Variants in DNHD1 observed in about 807,000 individuals in gnomAD.
DNHD1 encodes the protein dynein heavy chain domain-containing protein 1.
Under a neutral mutation model 458.1 loss-of-function variants are expected in DNHD1, and 383 were observed. That is an observed-to-expected ratio of 0.84 (90% CI 0.77 to 0.91). The LOEUF is 0.91. DNHD1 is among the 40% of genes least tolerant of loss of function. The pLI is 0.00. For synonymous variants in DNHD1, 2,203 were observed against 2,376.9 expected (o/e 0.93, Z 2.13); for missense variants, 5,336 against 5,866.1 (o/e 0.91, Z 2.95).
rs114595061 is a variant in DNHD1 at position 6,524,539 on chromosome 11, C to G, written c.1838-3983C>G. On this transcript the variant is annotated intron_variant, in intron 10 of 42. Coordinates refer to ENST00000254579, the MANE Select transcript of DNHD1 (RefSeq NM_144666.3). The stretch of plus-strand genomic sequence containing the variant: ...TATTTGAGTTTTCCTGTCCGTGAGA[C>G]TGATTTAGTTCAAACTTCAAGACAA... 6.4e-3 allele frequency among the ~76,000 whole-genome samples: 977 copies of G among 152,278 alleles called. 13 individuals are homozygous for G. Among genetic ancestry groups the G allele is most frequent in the African/African-American group, 0.022 (920 of 41,544 alleles).
At chr11:6,561,218 T>C (rs1192926550) in intron 28 of DNHD1, among the ~76,000 whole-genome samples, 3 of 152,172 alleles carry the variant, frequency 2.0e-5, no homozygotes, top group Non-Finnish European at 4.4e-5. Context: ...AATGGATCAC[T>C]TGAGCCCAGG....
chr11:6,557,694 T>A lies in DNHD1; in HGVS notation c.8399T>A (p.Ile2800Asn). 6.4e-7 allele frequency: 1 copy of A among 1,551,720 alleles called. No homozygotes were observed. Among genetic ancestry groups the A allele is most frequent in the Non-Finnish European group, 8.7e-7 (1 of 1,146,988 alleles). ...WWQKKPQMDL[I>N]SPLLLPVLLL... ...CAGAAGAAACCCCAGATGGACCTGATCTCACCCTTGTTGTTACCAGTGTTA... is the reference window on the plus strand; with the variant it reads ...CAGAAGAAACCCCAGATGGACCTGAACTCACCCTTGTTGTTACCAGTGTTA... The change falls in exon 25 of 43, where the codon ATC becomes AAC. Residue 2800 changes from isoleucine (I) to asparagine (N), a missense_variant. Ile to Asn is a moderately radical substitution (Grantham distance 149). Coordinates refer to ENST00000254579, the MANE Select transcript of DNHD1 (RefSeq NM_144666.3).
rs529086896 is a variant in DNHD1, at chr11:6,547,780, T to C, written c.6728-83T>C. ...GTGGATCTGGGCCAGGAGTGAAAAG[T>C]AATACTGTCAACCTTTTTTCTTTCT... On this transcript the variant is annotated intron_variant, in intron 21 of 42. Coordinates refer to ENST00000254579, the MANE Select transcript of DNHD1 (RefSeq NM_144666.3). 144 of 1,522,824 alleles carry C rather than the reference T, an allele frequency of 9.5e-5. No homozygotes were observed. In the African/African-American group the frequency reaches 1.4e-3, roughly 15 times the overall value. The allele number at this position is 1,522,824 out of a possible 1,614,324, so 94.3% of individuals were successfully genotyped here.
At chr11:6,504,469 G>C (rs896036822) in intron 4 of DNHD1, among the ~76,000 whole-genome samples, 2 of 152,164 alleles carry the variant, frequency 1.3e-5, no homozygotes, top group African/African-American at 4.8e-5. Context: ...TCTTTTTTGA[G>C]ACAGAGTTTC....
At chr11:6,544,298 C>T (rs1853160659) in intron 19 of DNHD1, 52 bp downstream of exon 19, 2 of 1,547,508 alleles carry the variant, frequency 1.3e-6, no homozygotes, top group African/African-American at 1.4e-5. Flanking sequence ...GGCAGGATGT[C>T]CCAGAGGGAT....
intron 16 of DNHD1, 26 bp from the exon 17 acceptor site, chr11:6,539,193 C>T (rs1476758241): frequency 4.0e-6 from 6 of 1,488,702 alleles, no homozygotes; most frequent in Non-Finnish European, 5.5e-6. Flanking sequence ...CTGGGTGTTG[C>T]TCTGACTTGT....
chr11:6,570,749 C>T lies in DNHD1; in HGVS notation c.13237C>T (p.Leu4413Phe), dbSNP rs750242852. The change falls in exon 42 of 43, where the codon CTC becomes TTC. Residue 4413 changes from leucine to phenylalanine, a missense_variant. This residue lies in a region of DNHD1 where 698 missense variants were observed against 664.9 expected (regional missense o/e 1.05). Transcript: ENST00000254579. ...AWLLRRQSRA[L>F]LSALQRSSPV... ...GCTGTTGCGACGCCAGAGTCGCGCT[C>T]TCTTGAGTGCGCTGCAGCGGAGTTC... is the stretch of plus-strand genomic sequence containing the variant. The T allele has an allele frequency of 1.2e-6, 2 of 1,611,972 alleles. No individual in the cohort carries two copies. Among genetic ancestry groups the T allele is most frequent in the Non-Finnish European group, 1.7e-6 (2 of 1,179,148 alleles).
At chr11:6,565,641 T>G in intron 32 of DNHD1, 54 bp from the exon 33 acceptor site, 1 of 1,473,550 alleles carries the variant, frequency 6.8e-7, no homozygotes, top group African/African-American at 1.4e-5. Context: ...ATTCCTCCCC[T>G]AAGGAGTCTG....
Position 6,511,446 on chromosome 11 carries a change from T to A in DNHD1, c.1392+17T>A. 6.2e-7 allele frequency: 1 copy of A among 1,612,532 alleles called. No individual in the cohort carries two copies. Among genetic ancestry groups the A allele is most frequent in the South Asian group, 1.1e-5 (1 of 91,030 alleles). On this transcript the variant is annotated intron_variant, in intron 7 of 42. Coordinates refer to ENST00000254579, the MANE Select transcript of DNHD1 (RefSeq NM_144666.3). ...CTTCGACTGGTAAGAGGCTCTTAGT[T>A]TATTGTGGACCTCTTCCCCAAGTTG...
chr11:6,552,614 C>G (rs549366715), intron 24 of DNHD1, among the ~76,000 whole-genome samples: 3 of 148,606 alleles, frequency 2.0e-5, no homozygotes, highest in African/African-American at 7.5e-5. Context: ...TGGCAAAAGG[C>G]GAAGGGGAGG....
chr11:6,509,058 TG>T lies in DNHD1; in HGVS notation c.1100del (p.Cys367SerfsTer14). On this transcript the variant is annotated frameshift_variant, in exon 5 of 43. Coordinates refer to ENST00000254579, the MANE Select transcript of DNHD1 (RefSeq NM_144666.3). LOFTEE classifies it high-confidence loss of function. The stretch of plus-strand genomic sequence containing the variant: ...CCAGTTCATTCCATTCTTTAAGTAT[TG>T]CCTCTTACGCAAGTCCTTTACCTGG... ...QLQFIPFFKY[C>X]LLRKSFTCWK... is the part of the protein sequence containing the mutation. 6.2e-7 allele frequency: 1 copy of T among 1,614,230 alleles called. No individual in the cohort carries two copies. Among genetic ancestry groups the T allele is most frequent in the Non-Finnish European group, 8.5e-7 (1 of 1,180,046 alleles).
intron 25 of DNHD1, 36 bp downstream of exon 25, chr11:6,558,333 C>T (rs1173288058): frequency 6.5e-7 from 1 of 1,540,910 alleles, no homozygotes; most frequent in South Asian, 1.2e-5. Context: ...ATCTGCTCTG[C>T]TCTTACGCTG....
At position 6,546,118 on chromosome 11, in the gene DNHD1, A is replaced by T; in HGVS notation, c.5179A>T (p.Asn1727Tyr). ...GGCTCAATGCCTGAGCAACTATCTG[A>T]ATGGTGCCCTGCAGGGTGGTGCCTG... ...IEAQCLSNYL[N>Y]GALQGGAWLL... The change falls in exon 21 of 43, where the codon AAT (asparagine) becomes TAT (tyrosine). Residue 1727 changes from asparagine to tyrosine, a missense_variant. Around this residue, in one of 4 missense-constraint regions of DNHD1, gnomAD observed 3,932 missense variants for 4,365.6 expected, o/e 0.90. Coordinates refer to ENST00000254579, the MANE Select transcript of DNHD1 (RefSeq NM_144666.3). The T allele has an allele frequency of 6.4e-7, 1 of 1,551,558 alleles. No individual in the cohort carries two copies. Among genetic ancestry groups the T allele is most frequent in the Non-Finnish European group, 8.7e-7 (1 of 1,146,824 alleles).
chr11:6,560,039 C>T (rs1853552578), intron 28 of DNHD1, among the ~76,000 whole-genome samples: 4 of 152,182 alleles, frequency 2.6e-5, no homozygotes, highest in African/African-American at 9.7e-5. Context: ...GATGATAGGG[C>T]TTATCACACC....
At chr11:6,520,789 C>T (rs1399951396) in intron 10 of DNHD1, 4 of 991,832 alleles carry the variant, frequency 4.0e-6, no homozygotes, top group African/African-American at 1.7e-5. Flanking sequence ...TAACCATCAG[C>T]GTGGAAACAC....
Position 6,564,526 on chromosome 11 carries a change from T to C in DNHD1, c.10478T>C (p.Val3493Ala). 6.4e-7 allele frequency: 1 copy of C among 1,551,662 alleles called. No homozygotes were observed. Among genetic ancestry groups the C allele is most frequent in the Non-Finnish European group, 8.7e-7 (1 of 1,146,980 alleles). Reference protein sequence around the residue: ...AQALKRKQKSVSIPPKNPLLA... With the variant: ...AQALKRKQKSASIPPKNPLLA... ...GCACTGAAGCGGAAGCAAAAATCTG[T>C]CAGCATACCACCAAAGAACCCCCTG... The change falls in exon 32 of 43, where the codon GTC becomes GCC. Residue 3493 changes from valine (V) to alanine (A), a missense_variant. Val to Ala is a moderately conservative substitution (Grantham distance 64, BLOSUM62 0). Around this residue, in one of 4 missense-constraint regions of DNHD1, gnomAD observed 3,932 missense variants for 4,365.6 expected, o/e 0.90. Coordinates refer to ENST00000254579, the MANE Select transcript of DNHD1 (RefSeq NM_144666.3).
At position 6,534,025 on chromosome 11, in the gene DNHD1, C is replaced by G; in HGVS notation, c.2850C>G (p.Gly950=). Residue 950 remains glycine, a synonymous_variant, in exon 14 of 43, where the codon GGC becomes GGG. Coordinates refer to ENST00000254579, the MANE Select transcript of DNHD1 (RefSeq NM_144666.3). ...LMAAALAELE[G]LLAKALSGPF... ...CAGCAGCATTGGCAGAGCTGGAAGG[C>G]CTGCTTGCGAAGGCCCTCTCCGGTC... 6.4e-7 allele frequency: 1 copy of G among 1,551,536 alleles called. No individual in the cohort carries two copies. The highest frequency in any genetic ancestry group is 2.4e-5 in the East Asian group (1 of 40,896).
rs758485364 is a variant in DNHD1 at position 6,567,276 on chromosome 11, G to A, written c.11767G>A (p.Val3923Met). 19 of 1,614,014 alleles carry A rather than the reference G, an allele frequency of 1.2e-5. No homozygotes were observed. The East Asian group carries it at 2.9e-4, about 25-fold the overall frequency. ...GACCCGCCAGCTGCTGGGCAGCACC[G>A]TGACTGCACTGGGCCTTACCCAAGT... is the stretch of plus-strand genomic sequence containing the variant. ...HLTRQLLGST[V>M]TALGLTQVPL... Residue 3923 changes from valine (V) to methionine (M), a missense_variant, in exon 36 of 43, where the codon GTG becomes ATG. Val to Met is a conservative substitution (Grantham distance 21). Transcript: ENST00000254579.
intron 14 of DNHD1, among the ~76,000 whole-genome samples, chr11:6,535,229 AAC>A (rs1389770283): frequency 1.1e-4 from 17 of 152,234 alleles, no homozygotes; most frequent in Non-Finnish European, 2.2e-4. Context: ...TGCATTTTAA[AAC>A]ACACATTTTG....
Sources: allele counts gnomAD v4.1 joint callset (sites outside exome capture counted in the v4.1 genomes callset), GRCh38; gene constraint gnomAD v4.1.1; regional missense constraint gnomAD v4.1.1; transcripts MANE v1.5; gene names NCBI Gene and HGNC (gene_info 2026-07-23, HGNC 2026-07-21).